Variants in HERC4 observed in about 807,000 individuals in gnomAD.
The protein encoded by HERC4 is HECT and RLD domain containing E3 ubiquitin protein ligase 4, also known as probable E3 ubiquitin-protein ligase HERC4.
A neutral mutation model predicts 124.3 loss-of-function variants in HERC4; 28 were observed. The observed-to-expected ratio is 0.23, with a 90% confidence interval of 0.17 to 0.31. The LOEUF (loss-of-function observed/expected upper bound fraction) is 0.31, where lower values mean the gene tolerates loss of function less well. Ranked by LOEUF, HERC4 falls within the 10% of genes least tolerant of loss-of-function variation. HERC4 has a pLI of 1.00. For synonymous variants in HERC4, 407 were observed against 421.5 expected, an observed-to-expected ratio of 0.97 and a Z score of 0.42; for missense variants, 713 against 1,229.3, an observed-to-expected ratio of 0.58 and a Z score of 6.28.
At chr10:68,056,392 T>G (rs560836639) in intron 3 of HERC4, among the ~76,000 whole-genome samples, 1 of 152,276 alleles carries the variant, frequency 6.6e-6, no homozygotes, top group Non-Finnish European at 1.5e-5. Flanking sequence ...ATGTGCACCA[T>G]AGTATTTCAC....
chr10:67,976,909 C>A (rs1170268892), intron 15 of HERC4, among the ~76,000 whole-genome samples: 1 of 152,206 alleles, frequency 6.6e-6, no homozygotes, highest in Admixed American at 6.5e-5. Flanking sequence ...ATGTGAGTTC[C>A]TGCAAGCCTC....
At chr10:68,010,798 T>A (rs2037903748) in intron 9 of HERC4, 3 of 1,519,160 alleles carry the variant, frequency 2.0e-6, no homozygotes, top group East Asian at 2.3e-5. Context: ...CCTGTGCATA[T>A]CCCAGGGTGA....
At chr10:68,051,494 G>T (rs933249104) in intron 3 of HERC4, among the ~76,000 whole-genome samples, 52 of 150,556 alleles carry the variant, frequency 3.5e-4, no homozygotes, top group African/African-American at 1.2e-3. Context: ...ACAAGCGCCC[G>T]CCACCATGCC....
chr10:67,964,687 C>G (rs1474297240), intron 16 of HERC4: 1 of 152,176 alleles, frequency 6.6e-6, no homozygotes. Context: ...TCCTAGTTTA[C>G]TAAACTCTCT....
At chr10:68,041,994 C>A (rs1041767529) in intron 4 of HERC4, among the ~76,000 whole-genome samples, 1 of 152,036 alleles carries the variant, frequency 6.6e-6, no homozygotes. Flanking sequence ...TAACCTAATG[C>A]GAATCTTCAC....
chr10:68,011,383 T>C (rs2037945895), intron 9 of HERC4, among the ~76,000 whole-genome samples: 1 of 152,242 alleles, frequency 6.6e-6, no homozygotes, highest in Non-Finnish European at 1.5e-5. Flanking sequence ...ATCAGAGGAA[T>C]CACTATATGT....
rs77918149 is a variant in HERC4, at chr10:68,073,286, T to C, written c.-78-100A>G. 1,437 of 571,964 alleles carry C rather than the reference T, an allele frequency of 2.5e-3. 19 individuals carry two copies. Among genetic ancestry groups the C allele is most frequent in the African/African-American group, 0.024 (1,290 of 53,356 alleles). 35.4% of individuals were successfully genotyped at this position (571,964 alleles called of 1,614,324 possible). A position where few individuals can be genotyped will look rare whatever the true frequency, so the allele number is the denominator to read the frequency against. ...ACAATAATTGCTACATGGTAAACAT[T>C]AAATATACTTTATAACATGCTACAT... On this transcript the variant is annotated intron_variant, in intron 2 of 24. Coordinates refer to ENST00000373700, the MANE Select transcript of HERC4 (RefSeq NM_015601.4).
intron 3 of HERC4, among the ~76,000 whole-genome samples, chr10:68,062,609 AATT>A (rs1272773186): frequency 6.6e-6 from 1 of 151,868 alleles, no homozygotes; most frequent in African/African-American, 2.4e-5. Flanking sequence ...AAAAAAAAAA[AATT>A]AGCCGGGTGT....
At chr10:68,037,606 T>G (rs188677404) in intron 5 of HERC4, among the ~76,000 whole-genome samples, 7 of 152,284 alleles carry the variant, frequency 4.6e-5, no homozygotes, top group Admixed American at 1.3e-4. Flanking sequence ...CTTCCCCAGT[T>G]GCAGCTATGA....
intron 9 of HERC4, among the ~76,000 whole-genome samples, chr10:68,013,369 C>G (rs1422808296): frequency 6.6e-6 from 1 of 152,136 alleles, no homozygotes; most frequent in African/African-American, 2.4e-5. Flanking sequence ...CACAATATCT[C>G]CAAGGTATGC....
At chr10:67,986,310 A>T (rs1361681207) in intron 15 of HERC4, among the ~76,000 whole-genome samples, 2 of 152,214 alleles carry the variant, frequency 1.3e-5, no homozygotes, top group Non-Finnish European at 2.9e-5. Context: ...TGGTGGTGGT[A>T]ACAAAATCAC....
intron 3 of HERC4, among the ~76,000 whole-genome samples, chr10:68,047,614 TACAA>T (rs1421120469): frequency 6.6e-6 from 1 of 152,162 alleles, no homozygotes; most frequent in Non-Finnish European, 1.5e-5. Flanking sequence ...CAAGCAGGCA[TACAA>T]ACAGATATTT....
At chr10:67,981,028 T>C (rs1200572138) in intron 15 of HERC4, among the ~76,000 whole-genome samples, 1 of 151,462 alleles carries the variant, frequency 6.6e-6, no homozygotes. Flanking sequence ...AGTAACAAAA[T>C]AGGAGGAGTG....
intron 4 of HERC4, among the ~76,000 whole-genome samples, chr10:68,041,558 T>C (rs1410316791): frequency 6.6e-6 from 1 of 152,176 alleles, no homozygotes; most frequent in African/African-American, 2.4e-5. Flanking sequence ...CAGAAATTGC[T>C]GTACTCACAA....
chr10:67,946,988 G>A (rs578076680), intron 19 of HERC4, among the ~76,000 whole-genome samples: 63 of 152,214 alleles, frequency 4.1e-4, no homozygotes, highest in African/African-American at 5.3e-4. Flanking sequence ...TATTATTACC[G>A]CTAAAGAGAG....
chr10:68,008,762 G>A (rs946411396), intron 9 of HERC4, among the ~76,000 whole-genome samples: 9 of 152,096 alleles, frequency 5.9e-5, no homozygotes, highest in Middle Eastern at 3.2e-3. Context: ...ATAGCCAAAA[G>A]GTAGAAACAA....
chr10:68,058,549 T>A (rs1029973981), intron 3 of HERC4, among the ~76,000 whole-genome samples: 1 of 152,218 alleles, frequency 6.6e-6, no homozygotes, highest in Non-Finnish European at 1.5e-5. Flanking sequence ...ACTTATTGAA[T>A]ACTCACCATA....
chr10:68,014,908 A>T (rs2038171668), intron 8 of HERC4, among the ~76,000 whole-genome samples: 1 of 152,184 alleles, frequency 6.6e-6, no homozygotes, highest in Admixed American at 6.5e-5. Flanking sequence ...TCCAGGTCTC[A>T]CCCTTGTTTC....
intron 19 of HERC4, among the ~76,000 whole-genome samples, chr10:67,953,283 T>C (rs1044246375): frequency 1.3e-5 from 2 of 152,210 alleles, no homozygotes; most frequent in African/African-American, 4.8e-5. Flanking sequence ...GGTATAACAA[T>C]AGAGTATAAC....
Sources: gnomAD v4.1 joint callset for allele counts (sites outside exome capture counted in the v4.1 genomes callset) on GRCh38, gnomAD v4.1.1 for gene constraint, MANE v1.5 for transcripts, NCBI Gene and HGNC (gene_info 2026-07-23, HGNC 2026-07-21) for gene names.